The following IFI27L2 variants were observed in gnomAD, a reference collection of about 807,000 sequenced individuals.
IFI27L2 encodes the protein interferon alpha-inducible protein 27-like protein 2.
IFI27L2 carries 8 observed loss-of-function variants against 7.9 expected under a neutral mutation model. The observed-to-expected ratio is 1.02, with a 90% confidence interval of 0.60 to 1.84. The LOEUF (loss-of-function observed/expected upper bound fraction) is 1.84. Among genes scored for constraint, IFI27L2 ranks in the 40% most tolerant of loss-of-function variants. The probability of loss-of-function intolerance (pLI) is 0.00; values close to 1 mark genes in which losing one functional copy is unlikely to be tolerated. For synonymous variants in IFI27L2, 56 were observed against 66.5 expected (o/e 0.84, Z 0.77); for missense variants, 190 against 165.8 (o/e 1.15, Z -0.80).
Position 94,127,968 on chromosome 14 carries a change from G to A in IFI27L2, c.224C>T (p.Ser75Phe). The change falls in exon 4 of 4, where the codon TCC (serine) becomes TTC (phenylalanine). Residue 75 changes from serine to phenylalanine, a missense_variant. Physicochemically the swap from Ser to Phe is radical, Grantham distance 155 (BLOSUM62 -2). Transcript: ENST00000238609. ...CCCAACAGAGGCCAGGAGGATGTTG[G>A]ATGATGTGGAGAGTCCAGCTGCCCC... ...SVGAAGLSTS[S>F]NILLASVGSV... 1.9e-6 allele frequency: 3 copies of A among 1,613,516 alleles called. No individual in the cohort carries two copies. The highest frequency in any genetic ancestry group is 2.5e-6 in the Non-Finnish European group (3 of 1,179,824).
chr14:94,128,227 G>A, intron 3 of IFI27L2: 1 of 589,610 alleles, frequency 1.7e-6, no homozygotes, highest in East Asian at 2.8e-5. Context: ...AGGCCACTGA[G>A]GCCCAGAGAG....
chr14:94,128,560 C>A lies in IFI27L2; in HGVS notation c.153G>T (p.Gly51=). 6.2e-7 allele frequency: 1 copy of A among 1,614,204 alleles called. No individual in the cohort carries two copies. ...CCAGGCTCCCCGCAGAAACACCACCCCCGTTGGCAATGGCTGCTGCGGACA... is the reference window on the plus strand; with the variant it reads ...CCAGGCTCCCCGCAGAAACACCACCACCGTTGGCAATGGCTGCTGCGGACA... ...KMMSAAAIAN[G]GGVSAGSLVA... The change falls in exon 3 of 4, where the codon GGG becomes GGT. Residue 51 remains glycine (G), a synonymous_variant. Coordinates refer to ENST00000238609, the MANE Select transcript of IFI27L2 (RefSeq NM_032036.3).
chr14:94,129,086 G>A (rs1887638272), intron 2 of IFI27L2, 176 bp downstream of exon 2: 2 of 611,330 alleles, frequency 3.3e-6, no homozygotes, highest in Admixed American at 3.0e-5. Context: ...AGCTGGGTCA[G>A]GAATGGGAGT....
rs1372401109 is a variant in IFI27L2 at position 94,129,251 on chromosome 14, G to C, written c.37+11C>G. 1.2e-6 allele frequency: 2 copies of C among 1,611,538 alleles called. No homozygotes were observed. Among genetic ancestry groups the C allele is most frequent in the Non-Finnish European group, 1.7e-6 (2 of 1,178,124 alleles). ...GTGAGGGCCTGGAGACAGGCGATCC[G>C]GGTAACTTACCTCCTCCCACTGCAG... On this transcript the variant is annotated intron_variant, in intron 2 of 3. Transcript: ENST00000238609.
intron 1 of IFI27L2, 36 bp downstream of exon 1, chr14:94,129,522 C>CCCAGCCCG (rs1887646631): frequency 6.2e-7 from 1 of 1,606,618 alleles, no homozygotes; most frequent in Admixed American, 1.7e-5. Context: ...CTGCCCCCAG[C>CCCAGCCCG]CCAGCCCGCC....
chr14:94,128,424 C>T (rs1043733491), intron 3 of IFI27L2, 90 bp downstream of exon 3: 45 of 1,205,602 alleles, frequency 3.7e-5, no homozygotes, highest in Non-Finnish European at 4.6e-5. Context: ...CTGAGGGTCA[C>T]GGAACTTCAG....
chr14:94,129,392 G>A (rs1348488494), intron 1 of IFI27L2, 101 bp from the exon 2 acceptor site: 5 of 1,073,366 alleles, frequency 4.7e-6, no homozygotes, highest in Admixed American at 1.9e-5. Context: ...AGCAAGGAGC[G>A]GAGGGAGGAA....
intron 2 of IFI27L2, 61 bp from the exon 3 acceptor site, chr14:94,128,736 C>A: frequency 7.2e-7 from 1 of 1,398,174 alleles, no homozygotes. Flanking sequence ...CTTCCCCCCG[C>A]CCCCCGCTTA....
At chr14:94,128,134 T>C (rs1341460519) in intron 3 of IFI27L2, 142 bp from the exon 4 acceptor site, 3 of 615,940 alleles carry the variant, frequency 4.9e-6, no homozygotes, top group East Asian at 2.8e-5. Flanking sequence ...AGCTCAGGGG[T>C]GAATTCACGG....
At chr14:94,129,134 T>C in intron 2 of IFI27L2, 128 bp downstream of exon 2, 1 of 709,250 alleles carries the variant, frequency 1.4e-6, no homozygotes, top group Non-Finnish European at 2.5e-6. Flanking sequence ...TGTGGCTCAC[T>C]CAGGCTACTC....
At chr14:94,128,488 C>G (rs769865096) in intron 3 of IFI27L2, 26 bp downstream of exon 3, 2 of 1,611,472 alleles carry the variant, frequency 1.2e-6, no homozygotes, top group Admixed American at 3.3e-5. Context: ...TCTCGCAGCT[C>G]TGGTGGTCCT....
intron 1 of IFI27L2, 77 bp downstream of exon 1, chr14:94,129,481 C>T: frequency 1.4e-6 from 2 of 1,404,344 alleles, no homozygotes; most frequent in Non-Finnish European, 2.0e-6. Flanking sequence ...AAGCTATTCC[C>T]TGTCCCTTCC....
intron 3 of IFI27L2, 89 bp from the exon 4 acceptor site, chr14:94,128,081 G>A (rs1595419213): frequency 1.2e-6 from 1 of 867,322 alleles, no homozygotes; most frequent in South Asian, 1.6e-5. Flanking sequence ...GAAAATCCCA[G>A]GGCTCTGCCA....
chr14:94,129,251 G>A lies in IFI27L2; in HGVS notation c.37+11C>T. On this transcript the variant is annotated intron_variant, in intron 2 of 3. Coordinates refer to ENST00000238609, the MANE Select transcript of IFI27L2 (RefSeq NM_032036.3). ...GTGAGGGCCTGGAGACAGGCGATCC[G>A]GGTAACTTACCTCCTCCCACTGCAG... is the stretch of plus-strand genomic sequence containing the variant. 6.2e-7 allele frequency: 1 copy of A among 1,611,536 alleles called. No individual in the cohort carries two copies. The highest frequency in any genetic ancestry group is 8.5e-7 in the Non-Finnish European group (1 of 1,178,122).
At position 94,128,949 on chromosome 14, in the gene IFI27L2, G is replaced by A. The variant is rs1887635760; in HGVS notation, c.38-274C>T. 1.2e-5 allele frequency: 5 copies of A among 427,512 alleles called. No individual in the cohort carries two copies. In the South Asian group the frequency reaches 1.5e-4, roughly 13 times the overall value. 26.5% of individuals were successfully genotyped at this position (427,512 alleles called of 1,614,324 possible). A position where few individuals can be genotyped will look rare whatever the true frequency, so the allele number is the denominator to read the frequency against. ...TACCCTTCATTGGTCTCAAATTTGT[G>A]TGTGTGTGTGTGTGTGTGTGTGTGT... is the stretch of plus-strand genomic sequence containing the variant. On this transcript the variant is annotated intron_variant, in intron 2 of 3. Transcript: ENST00000238609.
intron 2 of IFI27L2, 93 bp from the exon 3 acceptor site, chr14:94,128,768 G>GAGACTGTC: frequency 9.2e-7 from 1 of 1,084,822 alleles, no homozygotes; most frequent in Non-Finnish European, 1.3e-6. Context: ...ACAGTTTCCG[G>GAGACTGTC]AGACTGTCAG....
Position 94,128,005 on chromosome 14 carries a change from C to T in IFI27L2, c.200-13G>A. 1 of 1,597,316 alleles carries T rather than the reference C, an allele frequency of 6.3e-7. No homozygotes were observed. The highest frequency in any genetic ancestry group is 8.6e-7 in the Non-Finnish European group (1 of 1,166,518). On this transcript the variant is annotated splice_polypyrimidine_tract_variant and intron_variant, in intron 3 of 3. Transcript: ENST00000238609. The stretch of plus-strand genomic sequence containing the variant: ...AGTCCAGCTGCCCCTGTGGAGGAGA[C>T]AGAGAATGAGCACAGGGGTCGGGCA...
intron 2 of IFI27L2, 35 bp downstream of exon 2, chr14:94,129,227 T>C (rs571727637): frequency 1.3e-6 from 2 of 1,584,356 alleles, no homozygotes; most frequent in Non-Finnish European, 8.7e-7. Context: ...CCAGGCTAGG[T>C]GAGGGCCTGG....
At chr14:94,128,741 C>CT (rs397966914) in intron 2 of IFI27L2, 66 bp from the exon 3 acceptor site, 2 of 1,375,632 alleles carry the variant, frequency 1.5e-6, no homozygotes, top group African/African-American at 2.9e-5. Context: ...CCCCGCCCCC[C>CT]GCTTAGGAAT....
Sources: gnomAD v4.1 joint callset for allele counts on GRCh38, gnomAD v4.1.1 for gene constraint, MANE v1.5 for transcripts, NCBI Gene and HGNC (gene_info 2026-07-23, HGNC 2026-07-21) for gene names.